Variants in RALGPS2 observed in about 807,000 individuals in gnomAD.
RALGPS2 encodes Ral GEF with PH domain and SH3 binding motif 2.
Under a neutral mutation model 86.8 loss-of-function variants are expected in RALGPS2, and 43 were observed. The ratio of observed to expected loss-of-function variants is 0.50; its 90% CI spans 0.39 to 0.64. The LOEUF is 0.64. Ranked by LOEUF, RALGPS2 falls within the 30% of genes least tolerant of loss-of-function variation. The probability of loss-of-function intolerance (pLI) is 0.00; values close to 1 mark genes in which losing one functional copy is unlikely to be tolerated. For missense variants in RALGPS2, 536 were observed against 694.6 expected, an observed-to-expected ratio of 0.77 and a Z score of 2.57; for synonymous variants, 243 against 231.3, an observed-to-expected ratio of 1.05 and a Z score of -0.46.
intron 16 of RALGPS2, among the ~76,000 whole-genome samples, chr1:178,896,730 C>G (rs1162383530): frequency 1.4e-5 from 2 of 143,328 alleles, no homozygotes; most frequent in Non-Finnish European, 3.0e-5. Context: ...TTTGTTCTTG[C>G]GATAGTTTAC....
chr1:178,876,317 T>C (rs1659003679), intron 8 of RALGPS2, among the ~76,000 whole-genome samples: 1 of 152,230 alleles, frequency 6.6e-6, no homozygotes. Flanking sequence ...TAAGTAATTT[T>C]TTTTTAAATT....
In RALGPS2 at chr1:178,918,991, G is replaced by T. The variant is rs1553278860; in HGVS notation, c.*2632G>T. 1.3e-5 allele frequency: 2 copies of T among 152,134 alleles called. No homozygotes were observed. The highest frequency in any genetic ancestry group is 4.1e-4 in the South Asian group (2 of 4,830). 9.4% of individuals were successfully genotyped at this position (152,134 alleles called of 1,614,324 possible). A position where few individuals can be genotyped will look rare whatever the true frequency, so the allele number is the denominator to read the frequency against. On this transcript the variant is annotated 3_prime_UTR_variant, in exon 20 of 20. Transcript: ENST00000367635. Reference sequence around the variant, plus strand: ...ACCCTTAGCCAAGAAGAACTCATTAGAAATTCAGTTATAATTTCAATTTAA... The same window carrying T: ...ACCCTTAGCCAAGAAGAACTCATTATAAATTCAGTTATAATTTCAATTTAA...
At chr1:178,852,443 G>C (rs1657235904) in intron 8 of RALGPS2, among the ~76,000 whole-genome samples, 1 of 152,070 alleles carries the variant, frequency 6.6e-6, no homozygotes, top group African/African-American at 2.4e-5. Flanking sequence ...AGATTAATGT[G>C]TTTCTGTTTT....
At chr1:178,793,182 C>T (rs1052924541) in intron 4 of RALGPS2, among the ~76,000 whole-genome samples, 6 of 152,140 alleles carry the variant, frequency 3.9e-5, no homozygotes, top group African/African-American at 1.4e-4. Context: ...TTTGTTTCAG[C>T]TTTGCTATTT....
chr1:178,733,816 C>G (rs1334736228), intron 1 of RALGPS2, among the ~76,000 whole-genome samples: 1 of 152,116 alleles, frequency 6.6e-6, no homozygotes, highest in African/African-American at 2.4e-5. Flanking sequence ...GTAAAGGATT[C>G]TTACGTATGA....
intron 8 of RALGPS2, among the ~76,000 whole-genome samples, chr1:178,857,454 C>G (rs1272156120): frequency 6.6e-6 from 1 of 152,036 alleles, no homozygotes; most frequent in Non-Finnish European, 1.5e-5. Context: ...TGGGAGAAGT[C>G]ACAAGAAAGA....
At chr1:178,801,173 G>A (rs1654453005) in intron 4 of RALGPS2, among the ~76,000 whole-genome samples, 1 of 152,060 alleles carries the variant, frequency 6.6e-6, no homozygotes, top group South Asian at 2.1e-4. Flanking sequence ...TGATCCACCT[G>A]CCTCGGCCTC....
rs202098083 is a variant in RALGPS2, at chr1:178,852,817, C to G, written c.607+19267C>G. 1.2e-4 allele frequency: 189 copies of G among 1,613,824 alleles called. 2 individuals are homozygous for G. The highest frequency in any genetic ancestry group is 8.5e-4 in the South Asian group (77 of 91,078). On this transcript the variant is annotated intron_variant, in intron 8 of 19. Transcript: ENST00000367635. ...TTCACTTTCAGGTTCCAGACGAAAG[C>G]TGCTGTATTCTGCATAGACTTTTTT...
rs888147109 is a variant in RALGPS2, at chr1:178,892,962, G to A, written c.1325+655G>A. Among the ~76,000 whole-genome samples the A allele has an allele frequency of 2.6e-5, 4 of 152,012 alleles. No homozygotes were observed. In the East Asian group the frequency reaches 5.8e-4, roughly 22 times the overall value. ...GTCAGTTTGATGGTGTCTAATCTCC[G>A]TGCATGTACCTCCCTGAATATAAAT... On this transcript the variant is annotated intron_variant, in intron 15 of 19. Transcript: ENST00000367635.
chr1:178,819,074 T>G (rs1655373429), intron 6 of RALGPS2, among the ~76,000 whole-genome samples: 1 of 151,648 alleles, frequency 6.6e-6, no homozygotes, highest in Non-Finnish European at 1.5e-5. Context: ...TCACAACCTG[T>G]GCCTCCTGGG....
Position 178,879,035 on chromosome 1 carries a change from T to C in RALGPS2, c.836+43T>C, listed in dbSNP as rs757294567. ...AAGTGGTTTGTATAACTTTGTCCTG[T>C]CCTCCACCTTTCTATCCCTATGTAT... On this transcript the variant is annotated intron_variant, in intron 10 of 19. Coordinates refer to ENST00000367635, the MANE Select transcript of RALGPS2 (RefSeq NM_152663.5). The C allele has an allele frequency of 4.4e-5, 71 of 1,597,964 alleles. 2 individuals carry two copies. The highest frequency in any genetic ancestry group is 7.7e-6 in the Non-Finnish European group (9 of 1,172,980).
At chr1:178,899,985 T>A (rs1245118809) in intron 17 of RALGPS2, among the ~76,000 whole-genome samples, 1 of 151,974 alleles carries the variant, frequency 6.6e-6, no homozygotes, top group African/African-American at 2.4e-5. Flanking sequence ...TACGTTGTGA[T>A]TGTATAGGAA....
At chr1:178,737,846 C>G (rs1031138811) in intron 1 of RALGPS2, among the ~76,000 whole-genome samples, 1 of 152,068 alleles carries the variant, frequency 6.6e-6, no homozygotes, top group African/African-American at 2.4e-5. Flanking sequence ...GGCATGATCA[C>G]AGCTCACTGC....
intron 1 of RALGPS2, among the ~76,000 whole-genome samples, chr1:178,727,666 A>T (rs565761897): frequency 6.6e-6 from 1 of 152,308 alleles, no homozygotes; most frequent in Admixed American, 6.5e-5. Context: ...TTACGTCATT[A>T]GAGTTCAGTG....
chr1:178,729,135 A>G (rs1046457328), intron 1 of RALGPS2, among the ~76,000 whole-genome samples: 11 of 152,094 alleles, frequency 7.2e-5, no homozygotes, highest in Admixed American at 5.9e-4. Context: ...GTTTTCTGTT[A>G]TTTCACTTAC....
chr1:178,743,187 C>G (rs997352479), intron 1 of RALGPS2, among the ~76,000 whole-genome samples: 2 of 152,152 alleles, frequency 1.3e-5, no homozygotes, highest in Admixed American at 6.5e-5. Flanking sequence ...CTTGGGGCAA[C>G]AGAGTGAGAC....
chr1:178,769,248 TG>T (rs1235309171), intron 1 of RALGPS2, among the ~76,000 whole-genome samples: 3 of 151,454 alleles, frequency 2.0e-5, no homozygotes, highest in Non-Finnish European at 4.4e-5. Flanking sequence ...TTTGAATGCC[TG>T]GAGATCTGCC....
chr1:178,877,233 A>G (rs1659042853), intron 8 of RALGPS2, among the ~76,000 whole-genome samples: 1 of 152,120 alleles, frequency 6.6e-6, no homozygotes, highest in South Asian at 2.1e-4. Flanking sequence ...TCTAGCCTCA[A>G]ACTATACTTG....
intron 13 of RALGPS2, among the ~76,000 whole-genome samples, chr1:178,889,299 C>A (rs184107660): frequency 1.3e-5 from 2 of 151,870 alleles, no homozygotes; most frequent in Admixed American, 1.3e-4. Context: ...TTATATTGGT[C>A]CTAAATTATG....
Sources: allele counts gnomAD v4.1 joint callset (sites outside exome capture counted in the v4.1 genomes callset), GRCh38; gene constraint gnomAD v4.1.1; transcripts MANE v1.5; gene names NCBI Gene and HGNC (gene_info 2026-07-23, HGNC 2026-07-21).